The following C5 variants were observed in gnomAD, a reference collection of about 807,000 sequenced individuals.
The protein encoded by C5 is C3 and PZP-like alpha-2-macroglobulin domain-containing protein 4.
A neutral mutation model predicts 218.8 loss-of-function variants in C5; 140 were observed. The observed-to-expected ratio is 0.64, with a 90% CI of 0.56 to 0.74. C5 has a LOEUF of 0.74. Among genes scored for constraint, C5 ranks in the 30% least tolerant of loss-of-function variants. The pLI is 0.00. For missense variants in C5, 1,700 were observed against 1,969.6 expected (o/e 0.86, Z 2.59); for synonymous variants, 614 against 682.3 (o/e 0.90, Z 1.56).
intron 21 of C5, among the ~76,000 whole-genome samples, chr9:120,997,305 G>A (rs971679109): frequency 2.0e-5 from 3 of 151,936 alleles, no homozygotes; most frequent in African/African-American, 4.8e-5. Context: ...TTTATCTGTC[G>A]TTTTTCAGTA....
chr9:120,991,150 C>T lies in C5; in HGVS notation c.2941+41G>A, dbSNP rs183638761. 3.7e-5 allele frequency: 42 copies of T among 1,149,602 alleles called. 1 individual carries two copies. The East Asian group carries it at 9.4e-4, about 26-fold the overall frequency. 71.2% of individuals were successfully genotyped at this position (1,149,602 alleles called of 1,614,324 possible). A position where few individuals can be genotyped will look rare whatever the true frequency, so the allele number is the denominator to read the frequency against. The stretch of plus-strand genomic sequence containing the variant: ...GGATATTTGATTTTTGTTTGAAGCA[C>T]CAAGTGAAATGAGAAATAAAAATGG... On this transcript the variant is annotated intron_variant, in intron 23 of 40. Coordinates refer to ENST00000223642, the MANE Select transcript of C5 (RefSeq NM_001735.3).
At chr9:120,973,705 A>C (rs1767407028) in intron 30 of C5, among the ~76,000 whole-genome samples, 1 of 152,248 alleles carries the variant, frequency 6.6e-6, no homozygotes, top group African/African-American at 2.4e-5. Context: ...TCTGCTGGGC[A>C]TGGTGGCTCA....
intron 20 of C5, among the ~76,000 whole-genome samples, chr9:121,001,747 A>G (rs1253182403): frequency 6.6e-6 from 1 of 152,324 alleles, no homozygotes; most frequent in East Asian, 1.9e-4. Context: ...GGCTACCTGC[A>G]TACACTTGGT....
chr9:120,989,930 G>A (rs1587963838), intron 23 of C5, 150 bp from the exon 24 acceptor site: 4 of 608,394 alleles, frequency 6.6e-6, no homozygotes, highest in Non-Finnish European at 8.7e-6. Flanking sequence ...GAGAAAAAAA[G>A]ATCCGGTTAG....
At position 121,017,507 on chromosome 9, in the gene C5, T is replaced by A. The variant is rs754275415; in HGVS notation, c.1721A>T (p.His574Leu). ...ATATGCATCTGCATCAGGAGACAGATGAACCTAAAAGTTCATTTGAAAAAG... is the reference window on the plus strand; with the variant it reads ...ATATGCATCTGCATCAGGAGACAGAAGAACCTAAAAGTTCATTTGAAAAAG... ...EEKCGNQLQV[H>L]LSPDADAYSP... Residue 574 changes from histidine (H) to leucine (L), a missense_variant, in exon 14 of 41, where the codon CAT (histidine) becomes CTT (leucine). Physicochemically the swap from His to Leu is moderately conservative, Grantham distance 99 (BLOSUM62 -3). Coordinates refer to ENST00000223642, the MANE Select transcript of C5 (RefSeq NM_001735.3). 6.2e-7 allele frequency: 1 copy of A among 1,613,766 alleles called. No homozygotes were observed. The highest frequency in any genetic ancestry group is 1.1e-5 in the South Asian group (1 of 91,084).
chr9:120,986,159 C>T (rs1007102962), intron 25 of C5, among the ~76,000 whole-genome samples: 1 of 152,066 alleles, frequency 6.6e-6, no homozygotes, highest in Admixed American at 6.6e-5. Flanking sequence ...ACCTTAGTCT[C>T]TTGAGTTTGG....
chr9:121,021,579 G>A lies in C5; in HGVS notation c.1232C>T (p.Thr411Ile). 1 of 1,613,774 alleles carries A rather than the reference G, an allele frequency of 6.2e-7. No individual in the cohort carries two copies. Among genetic ancestry groups the A allele is most frequent in the Non-Finnish European group, 8.5e-7 (1 of 1,179,774 alleles). The change falls in exon 11 of 41, where the codon ACA (threonine) becomes ATA (isoleucine). Residue 411 changes from threonine (T) to isoleucine (I), a missense_variant. Thr to Ile is a moderately conservative substitution (Grantham distance 89, BLOSUM62 -1). Transcript: ENST00000223642. ...GGAAGCTACTCCATCATCAACACGT[G>A]TTACACTTTTGCTTGGATCCAAGTC... ...TSDLDPSKSVTRVDDGVASFV... is the reference protein window; with the variant it reads ...TSDLDPSKSVIRVDDGVASFV...
chr9:121,036,289 A>AT (rs2047523945), intron 4 of C5, among the ~76,000 whole-genome samples: 1 of 152,154 alleles, frequency 6.6e-6, no homozygotes, highest in Non-Finnish European at 1.5e-5. Context: ...CTCAGGTACT[A>AT]TTTTGAGGAT....
intron 1 of C5, among the ~76,000 whole-genome samples, 184 bp from the exon 2 acceptor site, chr9:121,046,567 T>C (rs2047629669): frequency 6.6e-6 from 1 of 152,180 alleles, no homozygotes; most frequent in African/African-American, 2.4e-5. Context: ...TTCCAAGTAG[T>C]TTGGAATTAA....
At chr9:121,071,821 A>C in the C5 span, among the ~76,000 whole-genome samples, 1 of 151,814 alleles carries the variant, frequency 6.6e-6, no homozygotes, top group Non-Finnish European at 1.5e-5. Flanking sequence ...GGGTTGCAAA[A>C]AGCTGAGGGA....
the C5 span, among the ~76,000 whole-genome samples, chr9:121,062,105 G>C: frequency 6.6e-6 from 1 of 151,992 alleles, no homozygotes; most frequent in East Asian, 1.9e-4. Flanking sequence ...CCATCTTTCT[G>C]CACTCAAAAC....
rs1323506756 is a variant in C5, at chr9:120,997,721, G to A, written c.2616C>T (p.Val872=). 1.2e-6 allele frequency: 2 copies of A among 1,614,108 alleles called. No homozygotes were observed. The highest frequency in any genetic ancestry group is 1.7e-6 in the Non-Finnish European group (2 of 1,180,022). ...VEGICTSESP[V]IDHQGTKSSK... ...AGGACTTTGTGCCCTGATGATCAAT[G>A]ACTGGGCTTTCCGAAGTGCAGATTC... Residue 872 remains valine, a synonymous_variant, in exon 21 of 41, where the codon GTC becomes GTT. Transcript: ENST00000223642.
intron 4 of C5, among the ~76,000 whole-genome samples, chr9:121,035,834 C>T (rs2047519541): frequency 6.6e-6 from 1 of 152,128 alleles, no homozygotes; most frequent in African/African-American, 2.4e-5. Flanking sequence ...TTTTAGCCTC[C>T]CAAAGTGCTG....
rs747502247 is a variant in C5, at chr9:120,959,264, CTTTT to C, written c.4678+980_4678+983del. ...TCTTTCTTTCTTTCTTTCTTTCTTT[CTTTT>C]TTTTTTTGAGACAGAGTCTTGCTGG... On this transcript the variant is annotated intron_variant, in intron 38 of 40. Transcript: ENST00000223642. Among the ~76,000 whole-genome samples the C allele has an allele frequency of 5.5e-4, 40 of 73,340 alleles. No individual in the cohort carries two copies. The East Asian group carries it at 0.015, about 28-fold the overall frequency. The allele number at this position is 73,340 out of a possible 152,430, so 48.1% of individuals were successfully genotyped here. A position where few individuals can be genotyped will look rare whatever the true frequency, so the allele number is the denominator to read the frequency against.
intron 20 of C5, among the ~76,000 whole-genome samples, chr9:121,002,214 ACG>A (rs71979720): frequency 0.018 from 836 of 46,110 alleles, 61 homozygotes; most frequent in Middle Eastern, 0.062. Context: ...ATGTATATAT[ACG>A]TATATATATA....
At chr9:121,023,308 A>T (rs1394956500) in intron 10 of C5, 96 bp downstream of exon 10, 1 of 832,440 alleles carries the variant, frequency 1.2e-6, no homozygotes, top group East Asian at 2.5e-5. Flanking sequence ...CTGTGACTTC[A>T]TGGCAACATT....
intron 33 of C5, among the ~76,000 whole-genome samples, chr9:120,965,759 C>G (rs765887843): frequency 1.4e-4 from 22 of 152,172 alleles, no homozygotes; most frequent in Non-Finnish European, 2.9e-4. Flanking sequence ...AGCACTCTTG[C>G]TCACAGATGC....
rs1564146834 is a variant in C5 at position 121,002,335 on chromosome 9, T to TATACAC, written c.2562+3583_2562+3584insGTGTAT. On this transcript the variant is annotated intron_variant, in intron 20 of 40. Coordinates refer to ENST00000223642, the MANE Select transcript of C5 (RefSeq NM_001735.3). ...GTGTGTGTATATATATATATATATA[T>TATACAC]ATATATACACACATACCTACACAAG... Among the ~76,000 whole-genome samples the TATACAC allele has an allele frequency of 3.9e-3, 430 of 109,352 alleles. 2 individuals are homozygous for TATACAC. The highest frequency in any genetic ancestry group is 0.013 in the Middle Eastern group (3 of 234). The allele number at this position is 109,352 out of a possible 152,430, so 71.7% of individuals were successfully genotyped here.
chr9:121,002,206 GTATATATACGTATA>G (rs2047168307), intron 20 of C5, among the ~76,000 whole-genome samples: 4 of 66,538 alleles, frequency 6.0e-5, no homozygotes, highest in Non-Finnish European at 8.6e-5. Flanking sequence ...ACGTATATAT[GTATATATACGTATA>G]TATATATATG....
Sources: gnomAD v4.1 joint callset for allele counts (sites outside exome capture counted in the v4.1 genomes callset) on GRCh38, gnomAD v4.1.1 for gene constraint, MANE v1.5 for transcripts, NCBI Gene and HGNC (gene_info 2026-07-23, HGNC 2026-07-21) for gene names.